The following HNF4G variants were observed in gnomAD, a reference collection of about 807,000 sequenced individuals.
HNF4G encodes the protein hepatocyte nuclear factor 4-gamma.
HNF4G carries 21 observed loss-of-function variants against 50.9 expected under a neutral mutation model. The ratio of observed to expected loss-of-function variants is 0.41; its 90% CI spans 0.29 to 0.59. The LOEUF is 0.59. Among genes scored for constraint, HNF4G ranks in the 20% least tolerant of loss-of-function variants. The probability of loss-of-function intolerance (pLI) is 0.26; values close to 1 mark genes in which losing one functional copy is unlikely to be tolerated. For synonymous variants in HNF4G, 198 were observed against 185.6 expected, an observed-to-expected ratio of 1.07 and a Z score of -0.54; for missense variants, 527 against 559.4, an observed-to-expected ratio of 0.94 and a Z score of 0.58.
chr8:75,436,376 T>G (rs1811136586), intron 1 of HNF4G, among the ~76,000 whole-genome samples: 1 of 152,222 alleles, frequency 6.6e-6, no homozygotes, highest in Non-Finnish European at 1.5e-5. Context: ...TCTTGCCCTA[T>G]CAGATATCAA....
chr8:75,529,197 A>G (rs1806261306), intron 2 of HNF4G, among the ~76,000 whole-genome samples: 1 of 152,130 alleles, frequency 6.6e-6, no homozygotes, highest in Non-Finnish European at 1.5e-5. Context: ...AGGCTGAGGC[A>G]GGAGAATGGC....
In HNF4G at chr8:75,566,373, T is replaced by C. The variant is rs1358140296; in HGVS notation, c.*2277T>C. The C allele has an allele frequency of 6.6e-6, 1 of 152,372 alleles. No individual in the cohort carries two copies. Among genetic ancestry groups the C allele is most frequent in the Admixed American group, 6.5e-5 (1 of 15,280 alleles). 9.4% of individuals were successfully genotyped at this position (152,372 alleles called of 1,614,324 possible). On this transcript the variant is annotated 3_prime_UTR_variant, in exon 10 of 10. Transcript: ENST00000396423. ...TTGGAAAACACAAAAATTCAGAACA[T>C]AGCAAATACCTTTGAAGTATAAAAG...
At chr8:75,538,591 C>T (rs1400938232), upstream of HNF4G, among the ~76,000 whole-genome samples, 3 of 152,110 alleles carry the variant, frequency 2.0e-5, no homozygotes, top group South Asian at 2.1e-4. Flanking sequence ...GACTACTTCA[C>T]GCAAATAAAA....
rs985762611 is a variant in HNF4G, at chr8:75,564,641, G to A, written c.*545G>A. 6.6e-6 allele frequency: 1 copy of A among 152,142 alleles called. No individual in the cohort carries two copies. Among genetic ancestry groups the A allele is most frequent in the Non-Finnish European group, 1.5e-5 (1 of 68,012 alleles). 9.4% of individuals were successfully genotyped at this position (152,142 alleles called of 1,614,324 possible). A position where few individuals can be genotyped will look rare whatever the true frequency, so the allele number is the denominator to read the frequency against. On this transcript the variant is annotated 3_prime_UTR_variant, in exon 10 of 10. Coordinates refer to ENST00000396423, the MANE Select transcript of HNF4G (RefSeq NM_004133.5). Reference sequence around the variant, plus strand: ...GGTAAAGAAGCAACTCTTTGCTTTAGAGTTAAATATTCCTATCTTAAGTTT... The same window carrying A: ...GGTAAAGAAGCAACTCTTTGCTTTAAAGTTAAATATTCCTATCTTAAGTTT...
intron 2 of HNF4G, among the ~76,000 whole-genome samples, chr8:75,499,205 T>C (rs1230956540): frequency 2.0e-5 from 3 of 152,070 alleles, no homozygotes; most frequent in Non-Finnish European, 4.4e-5. Flanking sequence ...AAGGTTAATA[T>C]ACAAAAATTA....
At chr8:75,449,551 G>C (rs1464912718) in intron 1 of HNF4G, among the ~76,000 whole-genome samples, 1 of 132,702 alleles carries the variant, frequency 7.5e-6, no homozygotes, top group Non-Finnish European at 1.5e-5. Context: ...CTGTCGCCCA[G>C]GCTGTAGTGC....
At chr8:75,526,529 T>TTTC (rs377394041) in intron 2 of HNF4G, among the ~76,000 whole-genome samples, 1 of 151,566 alleles carries the variant, frequency 6.6e-6, no homozygotes, top group East Asian at 2.0e-4. Context: ...TCCTTTCTCC[T>TTTC]TTCTTCTTCT....
intron 1 of HNF4G, among the ~76,000 whole-genome samples, chr8:75,479,141 C>T (rs550677074): frequency 6.6e-6 from 1 of 152,290 alleles, no homozygotes; most frequent in East Asian, 1.9e-4. Flanking sequence ...TCATCCCTGA[C>T]CAAACTACTA....
chr8:75,556,085 TTA>T lies in HNF4G; in HGVS notation c.733+17_733+18del. On this transcript the variant is annotated intron_variant, in intron 6 of 9. Transcript: ENST00000396423. Reference sequence around the variant, plus strand: ...TTGCTTTTGGGTAAGTTTTTTTTTTTTAATTTAAGAAGAAATTATGCATATTT... The same window carrying T: ...TTGCTTTTGGGTAAGTTTTTTTTTTTATTTAAGAAGAAATTATGCATATTT... 9.1e-7 allele frequency: 1 copy of T among 1,098,224 alleles called. No individual in the cohort carries two copies. The highest frequency in any genetic ancestry group is 1.3e-6 in the Non-Finnish European group (1 of 764,146). The allele number at this position is 1,098,224 out of a possible 1,614,324, so 68.0% of individuals were successfully genotyped here.
chr8:75,444,664 G>C (rs972944596), intron 1 of HNF4G, among the ~76,000 whole-genome samples: 1 of 118,608 alleles, frequency 8.4e-6, no homozygotes, highest in Non-Finnish European at 1.7e-5. Context: ...AACCAACAAA[G>C]ATCAAAAGAG....
rs146927211 is a variant in HNF4G at position 75,481,968 on chromosome 8, G to C, written c.-143-8121G>C. On this transcript the variant is annotated intron_variant, in intron 1 of 10. Transcript: ENST00000354370. ...TGTTCAGGGAAATTTTGTGAATTTT[G>C]TTGGAAATGTTCGATAGCCTTTGTG... is the stretch of plus-strand genomic sequence containing the variant. Among the ~76,000 whole-genome samples the C allele has an allele frequency of 7.8e-3, 1,187 of 152,168 alleles. 11 individuals are homozygous for C. The highest frequency in any genetic ancestry group is 0.014 in the Non-Finnish European group (919 of 68,004).
At chr8:75,518,663 T>C (rs1805959455) in intron 2 of HNF4G, among the ~76,000 whole-genome samples, 1 of 152,174 alleles carries the variant, frequency 6.6e-6, no homozygotes, top group Non-Finnish European at 1.5e-5. Context: ...GTTGGCCACA[T>C]TTAGCCACAG....
intron 2 of HNF4G, among the ~76,000 whole-genome samples, chr8:75,532,164 C>G (rs1806344293): frequency 6.6e-6 from 1 of 151,970 alleles, no homozygotes; most frequent in Non-Finnish European, 1.5e-5. Flanking sequence ...GTACTTGGAA[C>G]TGCACATGTT....
chr8:75,553,713 A>C (rs1333564566), intron 5 of HNF4G, among the ~76,000 whole-genome samples: 1 of 152,134 alleles, frequency 6.6e-6, no homozygotes. Context: ...TTTATTCTAG[A>C]ATTTATTGTA....
intron 2 of HNF4G, among the ~76,000 whole-genome samples, chr8:75,511,490 T>C (rs1805749777): frequency 6.6e-6 from 1 of 152,254 alleles, no homozygotes; most frequent in African/African-American, 2.4e-5. Context: ...ACACAGTACT[T>C]ACTGTGGATC....
intron 1 of HNF4G, among the ~76,000 whole-genome samples, chr8:75,426,090 A>G (rs1210103310): frequency 6.6e-6 from 1 of 152,228 alleles, no homozygotes; most frequent in African/African-American, 2.4e-5. Flanking sequence ...AGAGTCTAGA[A>G]ACAACTAATT....
chr8:75,478,967 C>T (rs1167367503), intron 1 of HNF4G, among the ~76,000 whole-genome samples: 2 of 152,184 alleles, frequency 1.3e-5, no homozygotes, highest in African/African-American at 2.4e-5. Flanking sequence ...GGTGATCTGC[C>T]CGCCTCGGCC....
chr8:75,443,520 G>T (rs931612783), intron 1 of HNF4G, among the ~76,000 whole-genome samples: 8 of 151,966 alleles, frequency 5.3e-5, no homozygotes, highest in Admixed American at 5.2e-4. Context: ...TAAAGTATTC[G>T]ATGTTTTACT....
chr8:75,533,394 G>C (rs1428557075), intron 2 of HNF4G, among the ~76,000 whole-genome samples: 1 of 151,886 alleles, frequency 6.6e-6, no homozygotes, highest in Non-Finnish European at 1.5e-5. Flanking sequence ...CTTGAACCTT[G>C]GGGGTTCTTC....
Sources: gnomAD v4.1 joint callset for allele counts (sites outside exome capture counted in the v4.1 genomes callset) on GRCh38, gnomAD v4.1.1 for gene constraint, MANE v1.5 for transcripts, NCBI Gene and HGNC (gene_info 2026-07-23, HGNC 2026-07-21) for gene names.